Variants in SESTD1 observed in about 807,000 individuals in gnomAD.
SESTD1 encodes the protein SEC14 and spectrin domain containing 1, also known as SEC14 domain and spectrin repeat-containing protein 1.
SESTD1 carries 43 observed loss-of-function variants against 101.7 expected under a neutral mutation model. That is an observed-to-expected ratio of 0.42 (90% CI 0.33 to 0.55). The LOEUF (loss-of-function observed/expected upper bound fraction) is 0.55, where lower values mean the gene tolerates loss of function less well. SESTD1 is among the 20% of genes least tolerant of loss of function. The probability of loss-of-function intolerance (pLI) is 0.07; values close to 1 mark genes in which losing one functional copy is unlikely to be tolerated. For synonymous variants in SESTD1, 283 were observed against 286.8 expected (o/e 0.99, Z 0.13); for missense variants, 647 against 815.1 (o/e 0.79, Z 2.51).
intron 1 of SESTD1, among the ~76,000 whole-genome samples, chr2:179,229,057 G>A (rs1034972350): frequency 6.6e-6 from 1 of 152,166 alleles, no homozygotes; most frequent in African/African-American, 2.4e-5. Flanking sequence ...ATTTAAAAGT[G>A]CAGGGAGGAT....
chr2:179,228,383 A>G (rs939060597), intron 1 of SESTD1, among the ~76,000 whole-genome samples: 1 of 152,204 alleles, frequency 6.6e-6, no homozygotes, highest in Non-Finnish European at 1.5e-5. Context: ...CCATGTGTGT[A>G]ATGGAAGGTT....
intron 1 of SESTD1, among the ~76,000 whole-genome samples, chr2:179,241,636 T>A (rs200516025): frequency 4.5e-5 from 6 of 132,120 alleles, no homozygotes; most frequent in Admixed American, 3.7e-4. Context: ...AAAAAAAAAA[T>A]TTAGGGCCGG....
intron 2 of SESTD1, 140 bp from the exon 3 acceptor site, chr2:179,183,328 T>C (rs576576932): frequency 2.9e-5 from 15 of 518,930 alleles, no homozygotes; most frequent in East Asian, 1.4e-4. Flanking sequence ...TACTTATAGA[T>C]TGTAAATTTT....
intron 5 of SESTD1, among the ~76,000 whole-genome samples, chr2:179,167,028 A>G (rs1045060581): frequency 1.3e-5 from 2 of 152,216 alleles, no homozygotes; most frequent in African/African-American, 4.8e-5. Context: ...ACACACAAAA[A>G]AGGAAGGAAA....
intron 2 of SESTD1, among the ~76,000 whole-genome samples, chr2:179,185,788 T>C (rs1258894894): frequency 3.9e-5 from 5 of 129,612 alleles, no homozygotes; most frequent in African/African-American, 1.5e-4. Context: ...CAATATAGTA[T>C]ACAATATATA....
chr2:179,160,533 ATATT>A (rs1045241691), intron 5 of SESTD1, among the ~76,000 whole-genome samples: 65 of 152,046 alleles, frequency 4.3e-4, no homozygotes, highest in Non-Finnish European at 9.0e-4. Context: ...CTTCTTTTAA[ATATT>A]TATTGACATT....
intron 6 of SESTD1, among the ~76,000 whole-genome samples, chr2:179,151,067 T>TTTAATCTTTAA (rs777801123): frequency 1.3e-5 from 2 of 152,200 alleles, no homozygotes; most frequent in Non-Finnish European, 2.9e-5. Context: ...TTAAACGCAT[T>TTTAATCTTTAA]GTTGAAGGCC....
rs1408011357 is a variant in SESTD1, at chr2:179,201,045, G to C, written c.-25-9179C>G. Among the ~76,000 whole-genome samples, 10 of 134,050 alleles carry C rather than the reference G, an allele frequency of 7.5e-5. 2 individuals are homozygous for C. The highest frequency in any genetic ancestry group is 7.2e-4 in the Admixed American group (10 of 13,872). 87.9% of individuals were successfully genotyped at this position (134,050 alleles called of 152,430 possible). On this transcript the variant is annotated intron_variant, in intron 1 of 17. Transcript: ENST00000428443. ...TCATTTGACAAAGGGCTAATATCCA[G>C]AATCTACAATGAACTCCAACAAATT...
At chr2:179,128,761 C>T (rs1039883112) in intron 10 of SESTD1, among the ~76,000 whole-genome samples, 3 of 147,332 alleles carry the variant, frequency 2.0e-5, no homozygotes, top group South Asian at 2.1e-4. Context: ...AAAAAAAAAA[C>T]CCAGTAGAAT....
At chr2:179,189,918 G>C (rs140712186) in intron 2 of SESTD1, among the ~76,000 whole-genome samples, 97 of 151,994 alleles carry the variant, frequency 6.4e-4, no homozygotes, top group Middle Eastern at 6.8e-3. Flanking sequence ...AATAACAGAA[G>C]ACATAAAGTA....
At chr2:179,141,113 C>T (rs534140923) in intron 9 of SESTD1, among the ~76,000 whole-genome samples, 2 of 152,306 alleles carry the variant, frequency 1.3e-5, no homozygotes, top group African/African-American at 4.8e-5. Flanking sequence ...GCCCAGACTT[C>T]GAAGTCTGGA....
At position 179,105,147 on chromosome 2, in the gene SESTD1, A is replaced by T. The variant is rs1575412520; in HGVS notation, c.*4752T>A. On this transcript the variant is annotated 3_prime_UTR_variant, in exon 18 of 18. Coordinates refer to ENST00000428443, the MANE Select transcript of SESTD1 (RefSeq NM_178123.5). The stretch of plus-strand genomic sequence containing the variant: ...CTGCTCCTCTCTAAGCATAGCCAGC[A>T]CTAATTGTGGTCTTTTCATGCTTTG... 1 of 148,906 alleles carries T rather than the reference A, an allele frequency of 6.7e-6. No homozygotes were observed. Among genetic ancestry groups the T allele is most frequent in the Non-Finnish European group, 1.5e-5 (1 of 67,532 alleles). The allele number at this position is 148,906 out of a possible 1,614,324, so 9.2% of individuals were successfully genotyped here.
chr2:179,234,933 A>C (rs1446022071), intron 1 of SESTD1, among the ~76,000 whole-genome samples: 1 of 150,626 alleles, frequency 6.6e-6, no homozygotes, highest in Admixed American at 6.6e-5. Flanking sequence ...ACATAGTGAG[A>C]TCTCATCTCT....
chr2:179,143,649 A>G lies in SESTD1; in HGVS notation c.792T>C (p.Val264=). 6.2e-7 allele frequency: 1 copy of G among 1,613,910 alleles called. No homozygotes were observed. The highest frequency in any genetic ancestry group is 1.6e-4 in the Middle Eastern group (1 of 6,062). The part of the protein sequence containing the change: ...LREQYTRYQE[V]CRQRSKRTQL... Reference sequence around the variant, plus strand: ...GTGTGCGCTTGCTACGTTGCCTACAAACTTCCTGGTAGCGGGTATATTGCT... The same window carrying G: ...GTGTGCGCTTGCTACGTTGCCTACAGACTTCCTGGTAGCGGGTATATTGCT... Residue 264 remains valine, a synonymous_variant, in exon 9 of 18, where the codon GTT becomes GTC. Coordinates refer to ENST00000428443, the MANE Select transcript of SESTD1 (RefSeq NM_178123.5).
At chr2:179,231,125 A>G (rs6743412) in intron 1 of SESTD1, among the ~76,000 whole-genome samples, 40,044 of 152,060 alleles carry the variant, frequency 0.26, 5,580 homozygotes, top group South Asian at 0.39. Context: ...AATATGCAGG[A>G]ACTCAAGGAA....
intron 1 of SESTD1, among the ~76,000 whole-genome samples, chr2:179,248,999 A>T (rs2047273586): frequency 6.6e-6 from 1 of 151,168 alleles, no homozygotes; most frequent in Non-Finnish European, 1.5e-5. Context: ...GCTGAGGTGG[A>T]AGGATCACTT....
chr2:179,181,074 G>A (rs1413748535), intron 3 of SESTD1, among the ~76,000 whole-genome samples: 1 of 152,146 alleles, frequency 6.6e-6, no homozygotes, highest in African/African-American at 2.4e-5. Flanking sequence ...GGTACGTGTA[G>A]ATATGCAGAA....
At position 179,115,265 on chromosome 2, in the gene SESTD1, G is replaced by A. The variant is rs2044603362; in HGVS notation, c.1648-9C>T. On this transcript the variant is annotated splice_polypyrimidine_tract_variant and intron_variant, in intron 15 of 17. Transcript: ENST00000428443. ...CCATAGTCATAAGTGCTCTAAAAAAGAAAAGGAAACATAAAATTGTAATAA... is the reference window on the plus strand; with the variant it reads ...CCATAGTCATAAGTGCTCTAAAAAAAAAAAGGAAACATAAAATTGTAATAA... 1 of 1,558,592 alleles carries A rather than the reference G, an allele frequency of 6.4e-7. No homozygotes were observed. The highest frequency in any genetic ancestry group is 2.2e-5 in the Admixed American group (1 of 45,496).
chr2:179,254,764 A>C (rs773370654), intron 1 of SESTD1, among the ~76,000 whole-genome samples: 11 of 152,186 alleles, frequency 7.2e-5, no homozygotes, highest in Non-Finnish European at 1.5e-4. Flanking sequence ...TTTTAGGTAT[A>C]TTTACATGCA....
Sources: gnomAD v4.1 joint callset for allele counts (sites outside exome capture counted in the v4.1 genomes callset) on GRCh38, gnomAD v4.1.1 for gene constraint, MANE v1.5 for transcripts, NCBI Gene and HGNC (gene_info 2026-07-23, HGNC 2026-07-21) for gene names.